The following NTMT1 variants were observed in gnomAD, a reference collection of about 807,000 sequenced individuals.
NTMT1 encodes the protein N-terminal RCC1 methyltransferase.
In NTMT1, 8 loss-of-function variants were observed where a neutral mutation model predicts 17.5. That is an observed-to-expected ratio of 0.46 (90% CI 0.27 to 0.82). The LOEUF (loss-of-function observed/expected upper bound fraction) is 0.82. Ranked by LOEUF, NTMT1 falls within the 40% of genes least tolerant of loss-of-function variation. The pLI, the probability that NTMT1 is intolerant of heterozygous loss-of-function variation, is 0.15. For synonymous variants in NTMT1, 128 were observed against 126.8 expected, an observed-to-expected ratio of 1.01 and a Z score of -0.06; for missense variants, 221 against 303.5, an observed-to-expected ratio of 0.73 and a Z score of 2.02.
chr9:129,612,398 C>CT (rs1350750686), intron 1 of NTMT1: 2 of 1,613,776 alleles, frequency 1.2e-6, no homozygotes, highest in South Asian at 2.2e-5. Context: ...GATGGTACCC[C>CT]TTAGGGCAGC....
In NTMT1 at chr9:129,619,635, C is replaced by T. The variant is rs141573674; in HGVS notation, c.-55+10457C>T. 1.1e-3 allele frequency: 1,736 copies of T among 1,613,952 alleles called. 3 individuals are homozygous for T. The highest frequency in any genetic ancestry group is 2.0e-3 in the Admixed American group (118 of 60,004). Reference sequence around the variant, plus strand: ...CTATCCTGGAGGTGCGATGACTGGCCCCTTAAAGACAAACAGGCCACATCT... The same window carrying T: ...CTATCCTGGAGGTGCGATGACTGGCTCCTTAAAGACAAACAGGCCACATCT... On this transcript the variant is annotated intron_variant, in intron 1 of 3. Transcript: ENST00000372486.
Position 129,620,285 on chromosome 9 carries a change from A to T in NTMT1, c.-55+11107A>T, listed in dbSNP as rs1465783030. 1.6e-6 allele frequency: 2 copies of T among 1,272,794 alleles called. No individual in the cohort carries two copies. The highest frequency in any genetic ancestry group is 2.0e-6 in the Non-Finnish European group (2 of 1,006,320). 78.8% of individuals were successfully genotyped at this position (1,272,794 alleles called of 1,614,324 possible). ...CAGGGGAGGCGGCAGCAGGGACCGCAGCAGCCCCCGCTTCCGCACGGCCCG... is the reference window on the plus strand; with the variant it reads ...CAGGGGAGGCGGCAGCAGGGACCGCTGCAGCCCCCGCTTCCGCACGGCCCG... On this transcript the variant is annotated intron_variant, in intron 1 of 3. Coordinates refer to the NTMT1 transcript ENST00000372486. The surrounding 1 kb of genome is among the most constrained non-coding windows in gnomAD (Gnocchi z 5.8).
chr9:129,620,798 C>A lies in NTMT1; in HGVS notation c.-55+11620C>A. ...AAATGGTGACAGCAAGAGTAGCCAA[C>A]TTTGGGGGTTGCTGTGACGTTTAAA... On this transcript the variant is annotated intron_variant, in intron 1 of 3. Coordinates refer to the NTMT1 transcript ENST00000372486. The surrounding 1 kb of genome is among the most constrained non-coding windows in gnomAD (Gnocchi z 5.8). 2.5e-6 allele frequency: 1 copy of A among 398,856 alleles called. No individual in the cohort carries two copies. Among genetic ancestry groups the A allele is most frequent in the Non-Finnish European group, 4.4e-6 (1 of 228,996 alleles). 24.7% of individuals were successfully genotyped at this position (398,856 alleles called of 1,614,324 possible). A position where few individuals can be genotyped will look rare whatever the true frequency, so the allele number is the denominator to read the frequency against.
intron 1 of NTMT1, 66 bp downstream of exon 1, chr9:129,626,361 CTG>C (rs1445795172): frequency 1.3e-5 from 2 of 152,254 alleles, no homozygotes; most frequent in African/African-American, 4.8e-5. Flanking sequence ...CGACCCCTAA[CTG>C]TTTCGGCGCC....
At chr9:129,618,950 G>A (rs528709772) in intron 1 of NTMT1, among the ~76,000 whole-genome samples, 42 of 149,222 alleles carry the variant, frequency 2.8e-4, no homozygotes, top group African/African-American at 9.9e-4. Flanking sequence ...TCCTAACCTC[G>A]TGATCCGCCC....
At position 129,620,449 on chromosome 9, in the gene NTMT1, C is replaced by A; in HGVS notation, c.-55+11271C>A. On this transcript the variant is annotated intron_variant, in intron 1 of 3. Coordinates refer to the NTMT1 transcript ENST00000372486. The surrounding 1 kb of genome is among the most constrained non-coding windows in gnomAD (Gnocchi z 5.8). ...CCCCGGAGCCCCGCGCGCCCAGAGC[C>A]GCTCGGAGCGCGGGCGGGGTCAGCT... 1 of 1,315,112 alleles carries A rather than the reference C, an allele frequency of 7.6e-7. No individual in the cohort carries two copies. The highest frequency in any genetic ancestry group is 9.7e-7 in the Non-Finnish European group (1 of 1,030,396). 81.5% of individuals were successfully genotyped at this position (1,315,112 alleles called of 1,614,324 possible). A position where few individuals can be genotyped will look rare whatever the true frequency, so the allele number is the denominator to read the frequency against.
intron 1 of NTMT1, among the ~76,000 whole-genome samples, chr9:129,631,968 T>G (rs1831193055): frequency 6.6e-6 from 1 of 152,194 alleles, no homozygotes; most frequent in Non-Finnish European, 1.5e-5. Context: ...CCACTCCTTG[T>G]TAACGGAGGA....
chr9:129,619,617 G>A (rs904777645), intron 1 of NTMT1: 1 of 1,614,062 alleles, frequency 6.2e-7, no homozygotes, highest in Admixed American at 1.7e-5. Flanking sequence ...AGACTATCCT[G>A]GAGGTGCGAT....
chr9:129,620,166 C>CG lies in NTMT1; in HGVS notation c.-55+10992dup, dbSNP rs1237230666. 1 of 1,461,078 alleles carries CG rather than the reference C, an allele frequency of 6.8e-7. No homozygotes were observed. The highest frequency in any genetic ancestry group is 2.7e-5 in the Admixed American group (1 of 37,510). 90.5% of individuals were successfully genotyped at this position (1,461,078 alleles called of 1,614,324 possible). ...TCTCCTAGGAAGGCGCCCAAGAAGT[C>CG]GGGGTCCTCCCTGGCCACGCGCCTC... On this transcript the variant is annotated intron_variant, in intron 1 of 3. Coordinates refer to the NTMT1 transcript ENST00000372486. The surrounding 1 kb of genome is among the most constrained non-coding windows in gnomAD (Gnocchi z 5.8).
In NTMT1 at chr9:129,635,270, A is replaced by T. The variant is rs1831473280; in HGVS notation, c.478A>T (p.Asn160Tyr). Residue 160 changes from asparagine to tyrosine, a missense_variant, in exon 4 of 4, where the codon AAC (asparagine) becomes TAC (tyrosine). By Grantham distance (143) the Asn-to-Tyr change is moderately radical. Transcript: ENST00000372483. ...GCGCTGCAAGGGCAGCCTCCGCCCC[A>T]ACGGCATCATCGTCATCAAAGACAA... is the stretch of plus-strand genomic sequence containing the variant. ...LRRCKGSLRP[N>Y]GIIVIKDNMA... 6.2e-7 allele frequency: 1 copy of T among 1,613,382 alleles called. No individual in the cohort carries two copies. Among genetic ancestry groups the T allele is most frequent in the African/African-American group, 1.3e-5 (1 of 74,930 alleles).
intron 2 of NTMT1, chr9:129,633,195 G>A (rs1588141996): frequency 2.4e-6 from 1 of 423,268 alleles, no homozygotes; most frequent in East Asian, 3.5e-5. Context: ...GACTGAGGGT[G>A]TTGGCTATTC....
chr9:129,634,388 T>G, intron 3 of NTMT1, 82 bp downstream of exon 3: 1 of 1,493,962 alleles, frequency 6.7e-7, no homozygotes, highest in Non-Finnish European at 9.0e-7. Context: ...GACCAGGGCT[T>G]TGCACTCCTG....
At chr9:129,609,974 G>T (rs1830073551) in intron 1 of NTMT1, among the ~76,000 whole-genome samples, 1 of 150,182 alleles carries the variant, frequency 6.7e-6, no homozygotes, top group Non-Finnish European at 1.5e-5. Flanking sequence ...TGTCTGTGGG[G>T]CGTTGTTTTG....
rs117268212 is a variant in NTMT1 at position 129,617,987 on chromosome 9, T to C, written c.-55+8809T>C. On this transcript the variant is annotated intron_variant, in intron 1 of 3. Coordinates refer to the NTMT1 transcript ENST00000372486. ...GCATGAGCCACCATGCTTGGCCATG[T>C]GTTCCATTTCTAGTTCCTACCCTGA... Among the ~76,000 whole-genome samples the C allele has an allele frequency of 3.6e-3, 556 of 152,336 alleles. 16 individuals are homozygous for C. The East Asian group carries it at 0.065, about 18-fold the overall frequency.
chr9:129,619,699 A>G (rs1830575061), intron 1 of NTMT1: 3 of 1,612,608 alleles, frequency 1.9e-6, no homozygotes, highest in Non-Finnish European at 2.5e-6. Flanking sequence ...GGAAACATCG[A>G]TGGCAACCCC....
chr9:129,613,400 G>C lies in NTMT1; in HGVS notation c.-55+4222G>C. ...AAGGGGGGTGGAGGGCCCTGGCAATGTCCACGAGTCCCATCCGCTTCCCTG... is the reference window on the plus strand; with the variant it reads ...AAGGGGGGTGGAGGGCCCTGGCAATCTCCACGAGTCCCATCCGCTTCCCTG... On this transcript the variant is annotated intron_variant, in intron 1 of 3. Coordinates refer to the NTMT1 transcript ENST00000372486. This position sits in a 1 kb window ranked among gnomAD's most constrained non-coding sequence, Gnocchi z 6.2. The C allele has an allele frequency of 1.9e-6, 3 of 1,606,858 alleles. No individual in the cohort carries two copies. The highest frequency in any genetic ancestry group is 2.6e-6 in the Non-Finnish European group (3 of 1,175,248).
rs1279194798 is a variant in NTMT1 at position 129,613,434 on chromosome 9, C to T, written c.-55+4256C>T. The T allele has an allele frequency of 6.2e-7, 1 of 1,613,514 alleles. No individual in the cohort carries two copies. The highest frequency in any genetic ancestry group is 8.5e-7 in the Non-Finnish European group (1 of 1,179,762). On this transcript the variant is annotated intron_variant, in intron 1 of 3. Coordinates refer to the NTMT1 transcript ENST00000372486. The surrounding 1 kb of genome is among the most constrained non-coding windows in gnomAD (Gnocchi z 6.2). Reference sequence around the variant, plus strand: ...TCCCATCCGCTTCCCTGGAGCCTCACAGGCCAGCGCAGTCCCAACACGAGG... The same window carrying T: ...TCCCATCCGCTTCCCTGGAGCCTCATAGGCCAGCGCAGTCCCAACACGAGG...
In NTMT1 at chr9:129,613,382, G is replaced by A. The variant is rs1220362589; in HGVS notation, c.-55+4204G>A. 4.4e-6 allele frequency: 7 copies of A among 1,598,458 alleles called. No individual in the cohort carries two copies. The South Asian group carries it at 5.5e-5, about 13-fold the overall frequency. ...GTGGGGAGGTCTGTAGGCAAGGGGG[G>A]TGGAGGGCCCTGGCAATGTCCACGA... On this transcript the variant is annotated intron_variant, in intron 1 of 3. Coordinates refer to the NTMT1 transcript ENST00000372486. This position sits in a 1 kb window ranked among gnomAD's most constrained non-coding sequence, Gnocchi z 6.2.
At chr9:129,626,096 G>A (rs1470551330), upstream of NTMT1, 1 of 152,194 alleles carries the variant, frequency 6.6e-6, no homozygotes. Context: ...GGCGAGCTGA[G>A]CGAGGGGGTG....
Sources: gnomAD v4.1 joint callset for allele counts (sites outside exome capture counted in the v4.1 genomes callset) on GRCh38, gnomAD v4.1.1 for gene constraint, Gnocchi (gnomAD v3.1) non-coding constraint, MANE v1.5 for transcripts, NCBI Gene and HGNC (gene_info 2026-07-23, HGNC 2026-07-21) for gene names.